Variants in TRIM5 observed in about 807,000 individuals in gnomAD.
The protein encoded by TRIM5 is tripartite motif containing 5.
In TRIM5, 31 loss-of-function variants were observed where a neutral mutation model predicts 35.6. The observed-to-expected ratio is 0.87, with a 90% CI of 0.65 to 1.18. The LOEUF (loss-of-function observed/expected upper bound fraction) is 1.18, where lower values mean the gene tolerates loss of function less well. Among genes scored for constraint, TRIM5 ranks in the 50% most tolerant of loss-of-function variants. The pLI, the probability that TRIM5 is intolerant of heterozygous loss-of-function variation, is 0.00. For synonymous variants in TRIM5, 243 were observed against 215.6 expected (o/e 1.13, Z -1.11); for missense variants, 609 against 591.6 (o/e 1.03, Z -0.31).
chr11:5,657,624 A>G, the TRIM5 span, among the ~76,000 whole-genome samples: 1 of 104,084 alleles, frequency 9.6e-6, no homozygotes, highest in Non-Finnish European at 1.8e-5. Context: ...ATTATATATA[A>G]TGCATTATAT....
the TRIM5 span, among the ~76,000 whole-genome samples, chr11:5,617,075 A>T: frequency 7.1e-6 from 1 of 140,898 alleles, no homozygotes; most frequent in African/African-American, 2.6e-5. Flanking sequence ...GCTTAGGTAC[A>T]GGCTCTTGTC....
chr11:5,671,999 G>A (rs1017845636), intron 4 of TRIM5, among the ~76,000 whole-genome samples: 10 of 152,004 alleles, frequency 6.6e-5, no homozygotes, highest in African/African-American at 2.2e-4. Flanking sequence ...CATTACATAA[G>A]GAATGCTTTC....
chr11:5,679,584 T>C (rs967301458), intron 2 of TRIM5, among the ~76,000 whole-genome samples, 177 bp downstream of exon 2: 3 of 152,034 alleles, frequency 2.0e-5, no homozygotes, highest in Admixed American at 6.6e-5. Flanking sequence ...TATTCTCCTG[T>C]AATTGGGTGA....
chr11:5,636,457 A>T, the TRIM5 span, among the ~76,000 whole-genome samples: 1 of 152,232 alleles, frequency 6.6e-6, no homozygotes, highest in African/African-American at 2.4e-5. Flanking sequence ...GTTGCACTAC[A>T]TCGTGAATAT....
In TRIM5 at chr11:5,664,815, G is replaced by A. The variant is rs1018945226; in HGVS notation, c.1476C>T (p.Ser492=). The A allele has an allele frequency of 1.9e-6, 3 of 1,588,310 alleles. No individual in the cohort carries two copies. The highest frequency in any genetic ancestry group is 2.6e-6 in the Non-Finnish European group (3 of 1,169,690). ...GCTGAGTGTGTAAGAAGGTTCAAGA[G>A]CTTGGTGAGCACAGAGTCATGGGGA... ...CGVPMTLCSP[S]S is the part of the protein sequence containing the mutation. Residue 492 remains serine, a synonymous_variant, in exon 8 of 8, where the codon AGC becomes AGT. Transcript: ENST00000380034.
the TRIM5 span, chr11:5,634,915 C>T: frequency 6.4e-7 from 1 of 1,566,130 alleles, no homozygotes; most frequent in Non-Finnish European, 8.7e-7. Flanking sequence ...CTCCTGTGTC[C>T]TTGCGTTCTC....
chr11:5,676,975 C>T (rs1420655449), intron 4 of TRIM5, among the ~76,000 whole-genome samples: 4 of 151,832 alleles, frequency 2.6e-5, no homozygotes, highest in East Asian at 1.9e-4. Context: ...AAGACTTAAA[C>T]GTTAGACCTA....
chr11:5,602,825 G>A, the TRIM5 span, among the ~76,000 whole-genome samples: 2 of 151,682 alleles, frequency 1.3e-5, no homozygotes, highest in Non-Finnish European at 1.5e-5. Context: ...GTTGTGGCAC[G>A]TGCCTGTAAT....
chr11:5,641,132 T>A, the TRIM5 span: 1 of 1,611,260 alleles, frequency 6.2e-7, no homozygotes, highest in South Asian at 1.1e-5. Context: ...CCAGTCTTTA[T>A]ACACTTTGAC....
the TRIM5 span, among the ~76,000 whole-genome samples, chr11:5,644,575 T>C: frequency 1.3e-5 from 2 of 152,352 alleles, no homozygotes; most frequent in South Asian, 4.1e-4. Context: ...TTTTCTTTTT[T>C]ATTGTACATA....
chr11:5,603,816 C>A, the TRIM5 span: 3 of 1,526,412 alleles, frequency 2.0e-6, no homozygotes, highest in Non-Finnish European at 2.6e-6. Flanking sequence ...CTGATCTAAT[C>A]TCTTTGTAGT....
At chr11:5,670,632 G>A (rs1320072779) in intron 4 of TRIM5, among the ~76,000 whole-genome samples, 1 of 152,158 alleles carries the variant, frequency 6.6e-6, no homozygotes, top group African/African-American at 2.4e-5. Flanking sequence ...AATTGTAGCA[G>A]ATTTTTAAAC....
chr11:5,661,104 T>G (rs1850807921), downstream of TRIM5, among the ~76,000 whole-genome samples: 1 of 144,428 alleles, frequency 6.9e-6, no homozygotes, highest in Non-Finnish European at 1.5e-5. Flanking sequence ...AGATATATGT[T>G]TAGGCATATT....
At chr11:5,657,696 TAA>T in the TRIM5 span, among the ~76,000 whole-genome samples, 1 of 131,162 alleles carries the variant, frequency 7.6e-6, no homozygotes, top group Non-Finnish European at 1.5e-5. Flanking sequence ...ATTTATAATA[TAA>T]TATATATAAA....
the TRIM5 span, among the ~76,000 whole-genome samples, chr11:5,635,492 G>A: frequency 3.7e-4 from 57 of 152,094 alleles, no homozygotes; most frequent in Admixed American, 1.4e-3. Context: ...TCCTGACCTC[G>A]TGGTCCGCCT....
the TRIM5 span, chr11:5,643,479 G>A: frequency 6.2e-7 from 1 of 1,614,196 alleles, no homozygotes; most frequent in Non-Finnish European, 8.5e-7. Context: ...TGTCTTTGAA[G>A]AGTCTTTGTC....
chr11:5,669,603 T>C (rs1423397513), intron 4 of TRIM5, among the ~76,000 whole-genome samples: 1 of 152,214 alleles, frequency 6.6e-6, no homozygotes, highest in Non-Finnish European at 1.5e-5. Context: ...GTATGTAACA[T>C]AAACCAAATA....
intron 4 of TRIM5, chr11:5,670,053 A>C (rs1851457649): frequency 6.5e-6 from 1 of 154,346 alleles, no homozygotes; most frequent in African/African-American, 2.4e-5. Context: ...TTCTCTGTAC[A>C]TGAAGGAAAT....
chr11:5,634,977 C>A, the TRIM5 span: 2 of 1,080,312 alleles, frequency 1.9e-6, no homozygotes, highest in East Asian at 5.4e-5. Flanking sequence ...GCCGCCTTGT[C>A]GTCCATTCTA....
Sources: allele counts gnomAD v4.1 joint callset (sites outside exome capture counted in the v4.1 genomes callset), GRCh38; gene constraint gnomAD v4.1.1; transcripts MANE v1.5; gene names NCBI Gene and HGNC (gene_info 2026-07-23, HGNC 2026-07-21).